ANK3: variants seen among roughly 807,000 people sequenced by gnomAD.
The protein encoded by ANK3 is ankyrin 3.
ANK3 carries 57 observed loss-of-function variants against 370.9 expected under a neutral mutation model. The observed-to-expected ratio is 0.15, with a 90% CI of 0.12 to 0.19. ANK3 has a LOEUF of 0.19. Among genes scored for constraint, ANK3 ranks in the 10% least tolerant of loss-of-function variants. The pLI, the probability that ANK3 is intolerant of heterozygous loss-of-function variation, is 1.00. For missense variants in ANK3, 4,439 were observed against 5,302.1 expected, an observed-to-expected ratio of 0.84 and a Z score of 5.06; for synonymous variants, 1,929 against 1,946.3, an observed-to-expected ratio of 0.99 and a Z score of 0.23.
At chr10:60,565,445 C>T (rs11817234) in intron 2 of ANK3, among the ~76,000 whole-genome samples, 28,150 of 152,126 alleles carry the variant, frequency 0.19, 3,376 homozygotes, top group South Asian at 0.38. Flanking sequence ...TATCAGTCCA[C>T]GTCACAGGGG....
intron 1 of ANK3, among the ~76,000 whole-genome samples, chr10:60,304,669 A>T (rs2044598746): frequency 6.6e-6 from 1 of 152,086 alleles, no homozygotes; most frequent in South Asian, 2.1e-4. Context: ...TGAGTTATAT[A>T]CTTTAAATAT....
intron 1 of ANK3, among the ~76,000 whole-genome samples, chr10:60,344,462 A>T (rs1485017622): frequency 2.0e-5 from 3 of 152,200 alleles, no homozygotes; most frequent in Admixed American, 2.0e-4. Context: ...AGCAATACAG[A>T]CAACAGCTCT....
intron 18 of ANK3, among the ~76,000 whole-genome samples, chr10:60,175,066 C>T (rs1310204809): frequency 1.3e-5 from 2 of 152,092 alleles, no homozygotes; most frequent in African/African-American, 4.8e-5. Flanking sequence ...AGTTTCCCAT[C>T]TCATTCTTAT....
chr10:60,278,334 T>A (rs911838174), intron 4 of ANK3, among the ~76,000 whole-genome samples: 1 of 152,184 alleles, frequency 6.6e-6, no homozygotes, highest in African/African-American at 2.4e-5. Flanking sequence ...CTCACACACA[T>A]ATATATTGCA....
At chr10:60,057,608 G>A (rs1015385515) in intron 41 of ANK3, among the ~76,000 whole-genome samples, 1 of 152,156 alleles carries the variant, frequency 6.6e-6, no homozygotes. Flanking sequence ...CACATTGCTT[G>A]CCGGCGTTCT....
At chr10:60,520,218 G>A (rs1265173888) in intron 2 of ANK3, among the ~76,000 whole-genome samples, 1 of 152,086 alleles carries the variant, frequency 6.6e-6, no homozygotes, top group Non-Finnish European at 1.5e-5. Context: ...ATAAGTGCGA[G>A]CTAAACATTG....
chr10:60,363,227 T>C (rs891354464), intron 1 of ANK3, among the ~76,000 whole-genome samples: 3 of 152,052 alleles, frequency 2.0e-5, no homozygotes, highest in Non-Finnish European at 4.4e-5. Flanking sequence ...CTTCTTTCCA[T>C]CTTGAATGCA....
Position 60,273,832 on chromosome 10 carries a change from C to A in ANK3, c.415-3603G>T, listed in dbSNP as rs181226928. ...GAGTTTCCCTGCACAAGCTCTCTTG[C>A]CTGCCACCATGTAAAATGTGACTTT... On this transcript the variant is annotated intron_variant, in intron 4 of 43. Coordinates refer to ENST00000280772, the MANE Select transcript of ANK3 (RefSeq NM_020987.5). Among the ~76,000 whole-genome samples, 5 of 152,308 alleles carry A rather than the reference C, an allele frequency of 3.3e-5. No homozygotes were observed. In the East Asian group the frequency reaches 9.6e-4, roughly 29 times the overall value.
chr10:60,441,212 T>C (rs2064291849), intron 2 of ANK3, among the ~76,000 whole-genome samples: 1 of 152,210 alleles, frequency 6.6e-6, no homozygotes, highest in Admixed American at 6.5e-5. Context: ...AGATTTACTT[T>C]TCAATGAGCA....
intron 2 of ANK3, among the ~76,000 whole-genome samples, chr10:60,421,304 TA>T (rs1242921366): frequency 2.0e-5 from 3 of 152,068 alleles, no homozygotes; most frequent in Non-Finnish European, 4.4e-5. Context: ...ATTGTGTACT[TA>T]AAAATAGTTT....
intron 1 of ANK3, among the ~76,000 whole-genome samples, chr10:60,322,117 G>A (rs2048803347): frequency 6.6e-6 from 1 of 152,070 alleles, no homozygotes; most frequent in African/African-American, 2.4e-5. Context: ...TTTGGTATAA[G>A]CTTGATGGGT....
chr10:60,310,834 G>A (rs749188152), intron 1 of ANK3, among the ~76,000 whole-genome samples: 1 of 152,138 alleles, frequency 6.6e-6, no homozygotes, highest in Non-Finnish European at 1.5e-5. Context: ...ACTCCTCTCT[G>A]CAATGTCCTT....
At chr10:60,444,233 C>A (rs1329026489) in intron 2 of ANK3, among the ~76,000 whole-genome samples, 1 of 151,774 alleles carries the variant, frequency 6.6e-6, no homozygotes, top group Non-Finnish European at 1.5e-5. Flanking sequence ...AGAATTAAAA[C>A]AGTTAACCCC....
At chr10:60,526,429 G>A (rs7906431) in intron 2 of ANK3, among the ~76,000 whole-genome samples, 75,160 of 151,846 alleles carry the variant, frequency 0.49, 18,853 homozygotes, top group Middle Eastern at 0.54. Context: ...CTATACATTG[G>A]AGTCCCTTTT....
At chr10:60,442,158 C>T (rs749360788) in intron 2 of ANK3, among the ~76,000 whole-genome samples, 11 of 143,768 alleles carry the variant, frequency 7.7e-5, no homozygotes, top group African/African-American at 1.8e-4. Flanking sequence ...TGTAGTGGGG[C>T]GATCTTGACT....
At chr10:60,213,225 G>A (rs1483120667) in intron 9 of ANK3, among the ~76,000 whole-genome samples, 187 bp downstream of exon 9, 1 of 152,052 alleles carries the variant, frequency 6.6e-6, no homozygotes, top group Non-Finnish European at 1.5e-5. Context: ...CAACTTTGTG[G>A]TATAGCACAT....
Position 60,072,928 on chromosome 10 carries a change from C to T in ANK3, c.7953G>A (p.Gln2651=). The change falls in exon 37 of 44, where the codon CAG becomes CAA. Residue 2651 remains glutamine (Q), a synonymous_variant. Coordinates refer to ENST00000280772, the MANE Select transcript of ANK3 (RefSeq NM_020987.5). ...ASNDEWVKAR[Q]HGPDGQGFPK... is the part of the protein sequence containing the mutation. ...GGAAGCCTTGTCCATCAGGGCCATG[C>T]TGTCTTGCCTTAACCCACTCATCAT... 1 of 1,614,122 alleles carries T rather than the reference C, an allele frequency of 6.2e-7. No homozygotes were observed. Among genetic ancestry groups the T allele is most frequent in the Non-Finnish European group, 8.5e-7 (1 of 1,180,016 alleles).
At chr10:60,550,791 G>A (rs1382816469) in intron 2 of ANK3, among the ~76,000 whole-genome samples, 2 of 151,952 alleles carry the variant, frequency 1.3e-5, no homozygotes, top group South Asian at 2.1e-4. Context: ...TTTACTTTGC[G>A]AGTTTTTCAT....
At chr10:60,518,389 T>C (rs2076273207) in intron 2 of ANK3, among the ~76,000 whole-genome samples, 1 of 152,106 alleles carries the variant, frequency 6.6e-6, no homozygotes, top group Non-Finnish European at 1.5e-5. Context: ...CTAACGTTAC[T>C]ACAGGAAGCT....
Sources: allele counts gnomAD v4.1 joint callset (sites outside exome capture counted in the v4.1 genomes callset), GRCh38; gene constraint gnomAD v4.1.1; transcripts MANE v1.5; gene names NCBI Gene and HGNC (gene_info 2026-07-23, HGNC 2026-07-21).